INPP4B: variants seen among roughly 807,000 people sequenced by gnomAD.
The protein encoded by INPP4B is inositol polyphosphate 4-phosphatase type II.
INPP4B carries 55 observed loss-of-function variants against 122.5 expected under a neutral mutation model. The observed-to-expected ratio is 0.45, with a 90% CI of 0.36 to 0.56. The LOEUF (loss-of-function observed/expected upper bound fraction) is 0.56, where lower values mean the gene tolerates loss of function less well. INPP4B is among the 20% of genes least tolerant of loss of function. INPP4B has a pLI of 0.00. For synonymous variants in INPP4B, 403 were observed against 388.7 expected (o/e 1.04, Z -0.43); for missense variants, 1,000 against 1,097.7 (o/e 0.91, Z 1.26).
intron 17 of INPP4B, among the ~76,000 whole-genome samples, chr4:142,146,252 C>T (rs1810661255): frequency 6.6e-6 from 1 of 152,108 alleles, no homozygotes. Context: ...TGATGACCAT[C>T]ATACAATATT....
At chr4:142,592,743 T>C (rs1737782288) in intron 2 of INPP4B, among the ~76,000 whole-genome samples, 1 of 152,170 alleles carries the variant, frequency 6.6e-6, no homozygotes, top group South Asian at 2.1e-4. Flanking sequence ...AGGAAAGACC[T>C]TGAAATAAGA....
intron 22 of INPP4B, among the ~76,000 whole-genome samples, chr4:142,111,982 G>A (rs1790393093): frequency 6.6e-6 from 1 of 151,924 alleles, no homozygotes; most frequent in African/African-American, 2.4e-5. Flanking sequence ...GACCTCAGGT[G>A]ATCCACCCTC....
intron 2 of INPP4B, among the ~76,000 whole-genome samples, chr4:142,525,227 T>G (rs1333111663): frequency 4.6e-5 from 7 of 151,640 alleles, no homozygotes; most frequent in Admixed American, 6.6e-5. Context: ...CACTGCTCAC[T>G]GAAATAAAAG....
intron 18 of INPP4B, among the ~76,000 whole-genome samples, chr4:142,124,986 A>G (rs1298174663): frequency 6.6e-6 from 1 of 152,086 alleles, no homozygotes; most frequent in African/African-American, 2.4e-5. Flanking sequence ...CATTTAACAT[A>G]TTTGCAGCAG....
chr4:142,450,897 A>G (rs1396639487), intron 3 of INPP4B, among the ~76,000 whole-genome samples: 1 of 151,326 alleles, frequency 6.6e-6, no homozygotes, highest in Non-Finnish European at 1.5e-5. Context: ...AGGGATAGAA[A>G]AAAAGGAGGA....
chr4:142,790,347 T>C (rs143933472), intron 1 of INPP4B, among the ~76,000 whole-genome samples: 228 of 151,870 alleles, frequency 1.5e-3, no homozygotes, highest in African/African-American at 5.5e-3. Context: ...AAATCTACAA[T>C]GAACTCAAAA....
chr4:142,265,455 T>C (rs958352136), intron 10 of INPP4B, among the ~76,000 whole-genome samples: 8 of 152,232 alleles, frequency 5.3e-5, no homozygotes, highest in African/African-American at 1.4e-4. Flanking sequence ...TGATTTTCTA[T>C]GGATTTTTAT....
At chr4:142,156,244 A>G (rs957750723) in intron 17 of INPP4B, among the ~76,000 whole-genome samples, 8 of 152,100 alleles carry the variant, frequency 5.3e-5, no homozygotes, top group Middle Eastern at 6.8e-3. Context: ...AATTGATTTG[A>G]ATAGAAGTAG....
At chr4:142,494,673 C>G (rs1822300894) in intron 2 of INPP4B, among the ~76,000 whole-genome samples, 1 of 152,118 alleles carries the variant, frequency 6.6e-6, no homozygotes, top group Non-Finnish European at 1.5e-5. Flanking sequence ...CTGTTATTAT[C>G]TTTGGACAAT....
intron 25 of INPP4B, among the ~76,000 whole-genome samples, chr4:142,051,479 G>C (rs182230152): frequency 6.6e-6 from 1 of 152,052 alleles, no homozygotes; most frequent in East Asian, 1.9e-4. Context: ...GACTTGGGTG[G>C]TGGTTTCATC....
At chr4:142,142,981 C>A (rs574057182) in intron 18 of INPP4B, among the ~76,000 whole-genome samples, 54 of 152,092 alleles carry the variant, frequency 3.6e-4, no homozygotes, top group Middle Eastern at 6.8e-3. Flanking sequence ...ACAGGGCAGA[C>A]CTATGAAGGA....
chr4:142,250,444 G>A (rs1389219508), intron 11 of INPP4B, among the ~76,000 whole-genome samples: 1 of 152,156 alleles, frequency 6.6e-6, no homozygotes, highest in Non-Finnish European at 1.5e-5. Context: ...ACAAAGACTT[G>A]AGAAGAATGT....
At chr4:142,675,697 A>G (rs1757662278) in intron 2 of INPP4B, among the ~76,000 whole-genome samples, 1 of 152,104 alleles carries the variant, frequency 6.6e-6, no homozygotes, top group Admixed American at 6.6e-5. Flanking sequence ...TTCAACATAC[A>G]TAATTCAATA....
intron 14 of INPP4B, among the ~76,000 whole-genome samples, chr4:142,200,274 A>C (rs1238806096): frequency 1.3e-5 from 2 of 151,982 alleles, no homozygotes; most frequent in East Asian, 3.9e-4. Context: ...CTATTAAAAA[A>C]AATTTTTTTA....
At chr4:142,139,163 T>G (rs1484349574) in intron 18 of INPP4B, among the ~76,000 whole-genome samples, 1 of 152,190 alleles carries the variant, frequency 6.6e-6, no homozygotes, top group Non-Finnish European at 1.5e-5. Context: ...ACAGGGTAAG[T>G]ACTCAACAAA....
At chr4:142,164,836 A>G (rs1374471790) in intron 16 of INPP4B, among the ~76,000 whole-genome samples, 1 of 151,592 alleles carries the variant, frequency 6.6e-6, no homozygotes, top group African/African-American at 2.4e-5. Context: ...GGCCTTAAGT[A>G]ATCTTCCTGT....
intron 14 of INPP4B, among the ~76,000 whole-genome samples, chr4:142,204,341 T>A (rs1841842542): frequency 6.6e-6 from 1 of 152,132 alleles, no homozygotes; most frequent in Non-Finnish European, 1.5e-5. Flanking sequence ...AATGTGGCTC[T>A]TAGGATATCT....
At chr4:142,543,752 AT>A (rs1560779491) in intron 2 of INPP4B, among the ~76,000 whole-genome samples, 2 of 152,156 alleles carry the variant, frequency 1.3e-5, no homozygotes, top group Non-Finnish European at 2.9e-5. Flanking sequence ...CAGAATATAT[AT>A]TGTATATAGT....
At chr4:142,763,679 C>G (rs571992543) in intron 1 of INPP4B, among the ~76,000 whole-genome samples, 2 of 152,174 alleles carry the variant, frequency 1.3e-5, no homozygotes, top group South Asian at 4.1e-4. Context: ...AAGTAGGAAA[C>G]TAGTAACCAC....
Sources: gnomAD v4.1 joint callset for allele counts (sites outside exome capture counted in the v4.1 genomes callset) on GRCh38, gnomAD v4.1.1 for gene constraint, MANE v1.5 for transcripts, NCBI Gene and HGNC (gene_info 2026-07-23, HGNC 2026-07-21) for gene names.